Variants in EFCAB13 observed in about 807,000 individuals in gnomAD.
EFCAB13 encodes the protein EF-hand calcium-binding domain-containing protein 13.
A neutral mutation model predicts 110.2 loss-of-function variants in EFCAB13; 91 were observed. The observed-to-expected ratio is 0.83, with a 90% CI of 0.70 to 0.98. The LOEUF (loss-of-function observed/expected upper bound fraction) is 0.98. Among genes scored for constraint, EFCAB13 ranks in the 50% least tolerant of loss-of-function variants. The pLI, the probability that EFCAB13 is intolerant of heterozygous loss-of-function variation, is 0.00. For missense variants in EFCAB13, 968 were observed against 1,119.4 expected (o/e 0.86, Z 1.93); for synonymous variants, 323 against 369.9 (o/e 0.87, Z 1.45).
chr17:47,343,608 A>G (rs2065398013), intron 6 of EFCAB13, among the ~76,000 whole-genome samples: 1 of 152,154 alleles, frequency 6.6e-6, no homozygotes, highest in Non-Finnish European at 1.5e-5. Flanking sequence ...TCAGGGTTCC[A>G]TGTAAAAGTG....
At chr17:47,406,958 G>A (rs146329192) in intron 20 of EFCAB13, among the ~76,000 whole-genome samples, 8 of 152,156 alleles carry the variant, frequency 5.3e-5, no homozygotes, top group Admixed American at 4.6e-4. Context: ...ATATACTTTG[G>A]AAATGTGAAC....
At chr17:47,419,068 T>C (rs1904544323) in intron 23 of EFCAB13, among the ~76,000 whole-genome samples, 2 of 152,298 alleles carry the variant, frequency 1.3e-5, no homozygotes, top group South Asian at 4.1e-4. Context: ...TTGTATTTTA[T>C]AGAATAACTA....
intron 3 of EFCAB13, 167 bp from the exon 4 acceptor site, chr17:47,328,102 C>T (rs1262248253): frequency 2.0e-6 from 1 of 496,968 alleles, no homozygotes; most frequent in East Asian, 3.3e-5. Context: ...GATTTATAGT[C>T]TACTAACTGC....
Position 47,395,821 on chromosome 17 carries a change from A to G in EFCAB13, c.1802-13A>G. ...TAAGCATTCGTAAAACTTGTGTTTT[A>G]TCTACCCTTTAGTATTGCCTGATGC... is the stretch of plus-strand genomic sequence containing the variant. On this transcript the variant is annotated splice_polypyrimidine_tract_variant and intron_variant, in intron 16 of 24. Transcript: ENST00000331493. The G allele has an allele frequency of 4.4e-6, 7 of 1,574,318 alleles. No homozygotes were observed. The highest frequency in any genetic ancestry group is 1.3e-5 in the African/African-American group (1 of 74,148).
In EFCAB13 at chr17:47,392,067, G is replaced by T. The variant is rs531206318; in HGVS notation, c.1726+487G>T. Among the ~76,000 whole-genome samples the T allele has an allele frequency of 7.2e-5, 11 of 152,204 alleles. No homozygotes were observed. In the East Asian group the frequency reaches 2.1e-3, roughly 29 times the overall value. The stretch of plus-strand genomic sequence containing the variant: ...GAGAGTGGCTCGACAGGAGACTGGG[G>T]TTATAGGTGAAATAATATTGTCTAT... On this transcript the variant is annotated intron_variant, in intron 15 of 24. Transcript: ENST00000331493.
chr17:47,404,688 G>T, intron 20 of EFCAB13, 55 bp downstream of exon 20: 3 of 1,369,766 alleles, frequency 2.2e-6, no homozygotes, highest in Non-Finnish European at 3.1e-6. Flanking sequence ...CTTATTCAAA[G>T]TTCACCTAGT....
At chr17:47,326,562 T>C (rs1474596428) in intron 3 of EFCAB13, among the ~76,000 whole-genome samples, 175 bp downstream of exon 3, 1 of 152,240 alleles carries the variant, frequency 6.6e-6, no homozygotes, top group African/African-American at 2.4e-5. Context: ...CCCAGTTCTT[T>C]ATAAATTTAG....
Position 47,436,839 on chromosome 17 carries a change from G to A in EFCAB13, c.2639-3592G>A, listed in dbSNP as rs535367295. 1.1e-3 allele frequency among the ~76,000 whole-genome samples: 170 copies of A among 150,708 alleles called. 1 individual carries two copies. Among genetic ancestry groups the A allele is most frequent in the African/African-American group, 3.5e-3 (145 of 41,010 alleles). On this transcript the variant is annotated intron_variant, in intron 24 of 24. Transcript: ENST00000331493. ...GGTTTGGTTTGTTCTTGCTTCTCTA[G>A]TTCCTTGAGGTGTGACCTTAGAGTG...
At chr17:47,376,098 A>G (rs1567792019) in intron 12 of EFCAB13, among the ~76,000 whole-genome samples, 3 of 152,204 alleles carry the variant, frequency 2.0e-5, no homozygotes, top group Non-Finnish European at 4.4e-5. Context: ...TCTTTTAAAA[A>G]CTTACTGTCA....
At chr17:47,406,274 G>C (rs968005100) in intron 20 of EFCAB13, among the ~76,000 whole-genome samples, 3 of 152,024 alleles carry the variant, frequency 2.0e-5, no homozygotes, top group Admixed American at 6.6e-5. Context: ...ACCATGCCTG[G>C]CTAATTTTTG....
chr17:47,368,233 G>C (rs1256461307), intron 10 of EFCAB13, among the ~76,000 whole-genome samples: 1 of 152,180 alleles, frequency 6.6e-6, no homozygotes, highest in Non-Finnish European at 1.5e-5. Flanking sequence ...GAAGAACAAA[G>C]TTTCTATGGC....
intron 14 of EFCAB13, among the ~76,000 whole-genome samples, chr17:47,387,429 T>C (rs2065682585): frequency 6.6e-6 from 1 of 152,222 alleles, no homozygotes; most frequent in Non-Finnish European, 1.5e-5. Flanking sequence ...TAGGATTGCA[T>C]TGCAGTCTCT....
chr17:47,351,549 C>T (rs949356985), intron 9 of EFCAB13, among the ~76,000 whole-genome samples: 1 of 152,094 alleles, frequency 6.6e-6, no homozygotes, highest in Non-Finnish European at 1.5e-5. Flanking sequence ...TCCATTTTTT[C>T]ATAATGCTCG....
intron 9 of EFCAB13, among the ~76,000 whole-genome samples, chr17:47,361,122 A>C (rs1439129046): frequency 6.6e-6 from 1 of 152,188 alleles, no homozygotes; most frequent in Non-Finnish European, 1.5e-5. Flanking sequence ...CCTTCTGACT[A>C]GGTTCTTTTC....
At chr17:47,420,554 C>T (rs12939039) in intron 23 of EFCAB13, among the ~76,000 whole-genome samples, 1 of 152,162 alleles carries the variant, frequency 6.6e-6, no homozygotes. Flanking sequence ...GCGTCTCTGC[C>T]CGGCCGCCCA....
At chr17:47,410,383 C>G (rs1278556725) in intron 21 of EFCAB13, among the ~76,000 whole-genome samples, 1 of 152,186 alleles carries the variant, frequency 6.6e-6, no homozygotes, top group Admixed American at 6.5e-5. Context: ...TAGGCCTGAC[C>G]TGTCAACACT....
At chr17:47,439,176 T>G (rs1369213119) in intron 24 of EFCAB13, among the ~76,000 whole-genome samples, 27 of 125,094 alleles carry the variant, frequency 2.2e-4, no homozygotes, top group South Asian at 8.5e-4. Context: ...GTTTTGTTTT[T>G]TTTTTTTTTT....
chr17:47,430,085 A>G, intron 24 of EFCAB13, 124 bp downstream of exon 24: 2 of 1,385,480 alleles, frequency 1.4e-6, no homozygotes, highest in East Asian at 2.6e-5. Context: ...TGACTGCTGG[A>G]CACTGGTACT....
intron 24 of EFCAB13, among the ~76,000 whole-genome samples, chr17:47,434,620 A>G (rs1238813515): frequency 6.6e-6 from 1 of 152,224 alleles, no homozygotes; most frequent in Non-Finnish European, 1.5e-5. Flanking sequence ...AATCTGGAGC[A>G]TCACATTACC....
Sources: gnomAD v4.1 joint callset for allele counts (sites outside exome capture counted in the v4.1 genomes callset) on GRCh38, gnomAD v4.1.1 for gene constraint, MANE v1.5 for transcripts, NCBI Gene and HGNC (gene_info 2026-07-23, HGNC 2026-07-21) for gene names.